NUP210: variants seen among roughly 807,000 people sequenced by gnomAD.
NUP210 encodes nuclear pore membrane glycoprotein 210.
A neutral mutation model predicts 196.0 loss-of-function variants in NUP210; 151 were observed. The ratio of observed to expected loss-of-function variants is 0.77; its 90% CI spans 0.67 to 0.88. NUP210 has a LOEUF of 0.88. NUP210 is among the 40% of genes least tolerant of loss of function. The pLI is 0.00. For synonymous variants in NUP210, 1,070 were observed against 1,052.7 expected, an observed-to-expected ratio of 1.02 and a Z score of -0.32; for missense variants, 2,314 against 2,493.7, an observed-to-expected ratio of 0.93 and a Z score of 1.53.
chr3:13,375,524 C>T lies in NUP210; in HGVS notation c.1411G>A (p.Ala471Thr), dbSNP rs148258057. Reference protein sequence around the residue: ...LTFPWQPKTGAYQYTIRAHGG... With the variant: ...LTFPWQPKTGTYQYTIRAHGG... ...CGTACCCTTATTGTGTACTGATAGGCGCCCGTCTTTGGTTGCCACGGAAAT... is the reference window on the plus strand; with the variant it reads ...CGTACCCTTATTGTGTACTGATAGGTGCCCGTCTTTGGTTGCCACGGAAAT... The change falls in exon 11 of 40, where the codon GCC (alanine) becomes ACC (threonine). Residue 471 changes from alanine to threonine, a missense_variant. By Grantham distance (58) the Ala-to-Thr change is moderately conservative. Transcript: ENST00000254508. The T allele has an allele frequency of 1.3e-5, 21 of 1,613,888 alleles. No individual in the cohort carries two copies. Among genetic ancestry groups the T allele is most frequent in the African/African-American group, 1.2e-4 (9 of 74,894 alleles).
chr3:13,390,917 T>A lies in NUP210; in HGVS notation c.533+294A>T, dbSNP rs538296786. On this transcript the variant is annotated intron_variant, in intron 4 of 39. Transcript: ENST00000254508. ...AGTGCAGCCTGGGGCCACCCACACT[T>A]TCCCTGTGCCCTGAGACAGCCATGC... Among the ~76,000 whole-genome samples, 217 of 152,312 alleles carry A rather than the reference T, an allele frequency of 1.4e-3. 2 individuals are homozygous for A. The highest frequency in any genetic ancestry group is 4.9e-3 in the African/African-American group (204 of 41,572).
At chr3:13,389,064 C>G (rs1013778911) in intron 4 of NUP210, among the ~76,000 whole-genome samples, 2 of 152,234 alleles carry the variant, frequency 1.3e-5, no homozygotes, top group African/African-American at 4.8e-5. Flanking sequence ...TCCCACGCAG[C>G]CTCCCACTTC....
chr3:13,330,336 C>T (rs1252513130), intron 30 of NUP210, 124 bp downstream of exon 30: 4 of 920,002 alleles, frequency 4.3e-6, no homozygotes, highest in Non-Finnish European at 6.7e-6. Context: ...CCCTGAGTTA[C>T]TCTAAATGCC....
At chr3:13,401,353 A>G (rs368130059) in intron 1 of NUP210, among the ~76,000 whole-genome samples, 2 of 151,520 alleles carry the variant, frequency 1.3e-5, no homozygotes, top group Non-Finnish European at 2.9e-5. Context: ...CCCTGGGCCA[A>G]GCCAGCACAA....
intron 14 of NUP210, 76 bp downstream of exon 14, chr3:13,365,870 C>T (rs1424821637): frequency 1.0e-5 from 15 of 1,491,484 alleles, no homozygotes; most frequent in South Asian, 4.6e-5. Context: ...CATGCAAATT[C>T]GTCAGAGCAA....
intron 1 of NUP210, among the ~76,000 whole-genome samples, chr3:13,404,983 G>A (rs1254265405): frequency 2.0e-5 from 3 of 152,188 alleles, no homozygotes; most frequent in African/African-American, 7.2e-5. Context: ...GGTGAGGGCA[G>A]GCAGGAACAG....
chr3:13,368,940 T>C (rs1300227829), intron 13 of NUP210, among the ~76,000 whole-genome samples: 2 of 152,240 alleles, frequency 1.3e-5, no homozygotes, highest in African/African-American at 4.8e-5. Context: ...CCTTTGGATG[T>C]GCACCCAGAT....
At chr3:13,403,674 C>A (rs985012570) in intron 1 of NUP210, among the ~76,000 whole-genome samples, 1 of 152,314 alleles carries the variant, frequency 6.6e-6, no homozygotes, top group African/African-American at 2.4e-5. Context: ...CCTGCCCAGG[C>A]TCTACTTGGG....
rs202083151 is a variant in NUP210 at position 13,366,104 on chromosome 3, G to A, written c.1787-13C>T. 11 of 1,612,194 alleles carry A rather than the reference G, an allele frequency of 6.8e-6. No individual in the cohort carries two copies. The Admixed American group carries it at 1.2e-4, about 17-fold the overall frequency. On this transcript the variant is annotated splice_polypyrimidine_tract_variant and intron_variant, in intron 13 of 39. Coordinates refer to ENST00000254508, the MANE Select transcript of NUP210 (RefSeq NM_024923.4). ...GGCGGCAGCCTCCCTACAGAAAGGA[G>A]AGAACTAGATGGTCACCCTGAAATC...
intron 3 of NUP210, among the ~76,000 whole-genome samples, chr3:13,393,034 A>T (rs1699541809): frequency 6.6e-6 from 1 of 152,242 alleles, no homozygotes; most frequent in African/African-American, 2.4e-5. Flanking sequence ...GCAGACCACT[A>T]GGCAGGCCAC....
intron 1 of NUP210, among the ~76,000 whole-genome samples, chr3:13,409,206 G>A (rs943051430): frequency 6.6e-6 from 1 of 152,184 alleles, no homozygotes; most frequent in African/African-American, 2.4e-5. Context: ...TTTTCTGTAG[G>A]TGCCTGTCTG....
chr3:13,340,434 GC>G lies in NUP210; in HGVS notation c.3229-137del. The G allele has an allele frequency of 1.3e-6, 1 of 771,412 alleles. No individual in the cohort carries two copies. 47.8% of individuals were successfully genotyped at this position (771,412 alleles called of 1,614,324 possible). ...CTTCTCTCTGAGCAGTGACCAGAGG[GC>G]CCAGGGTCCTGGGCCAATGCTGGGG... On this transcript the variant is annotated intron_variant, in intron 23 of 39. Coordinates refer to ENST00000254508, the MANE Select transcript of NUP210 (RefSeq NM_024923.4). This position sits in a 1 kb window ranked among gnomAD's most constrained non-coding sequence, Gnocchi z 4.0.
intron 28 of NUP210, among the ~76,000 whole-genome samples, chr3:13,334,602 A>G (rs1208845517): frequency 6.6e-6 from 1 of 152,142 alleles, no homozygotes. Flanking sequence ...CTTGGGACAT[A>G]TAAGGAACAC....
chr3:13,321,077 G>A (rs987246516), intron 36 of NUP210, among the ~76,000 whole-genome samples: 3 of 152,224 alleles, frequency 2.0e-5, no homozygotes, highest in Admixed American at 6.5e-5. Context: ...AGGAGCAGGC[G>A]GAAATGCCGA....
At position 13,371,035 on chromosome 3, in the gene NUP210, A is replaced by C. The variant is rs71306056; in HGVS notation, c.1786+799T>G. Among the ~76,000 whole-genome samples the C allele has an allele frequency of 3.4e-3, 523 of 152,254 alleles. 4 individuals carry two copies. Among genetic ancestry groups the C allele is most frequent in the Non-Finnish European group, 3.9e-3 (263 of 68,028 alleles). ...CTGGTACAGGCGCCCCTGCTCACCAAATGGTGTCCCTGTTAACCTCCAAAG... is the reference window on the plus strand; with the variant it reads ...CTGGTACAGGCGCCCCTGCTCACCACATGGTGTCCCTGTTAACCTCCAAAG... On this transcript the variant is annotated intron_variant, in intron 13 of 39. Coordinates refer to ENST00000254508, the MANE Select transcript of NUP210 (RefSeq NM_024923.4).
chr3:13,338,140 A>G (rs1199681719), intron 25 of NUP210, among the ~76,000 whole-genome samples: 1 of 152,160 alleles, frequency 6.6e-6, no homozygotes, highest in Non-Finnish European at 1.5e-5. Context: ...GCAGGTCCCA[A>G]CCCAGTCCCC....
At chr3:13,417,137 G>A (rs941997084) in intron 1 of NUP210, among the ~76,000 whole-genome samples, 1 of 152,144 alleles carries the variant, frequency 6.6e-6, no homozygotes, top group Non-Finnish European at 1.5e-5. Flanking sequence ...CAGTCCCCAG[G>A]TCTAATGGCG....
chr3:13,373,719 T>C lies in NUP210; in HGVS notation c.1586A>G (p.Lys529Arg). ...VQNPLHFGEM[K>R]VYVIEPHSME... The stretch of plus-strand genomic sequence containing the variant: ...GGTGTCTTGGCCCTGAGATCTCACC[T>C]TCATCTCACCGAAATGGAGTGGGTT... Residue 529 changes from lysine to arginine, a missense_variant and splice_region_variant, in exon 12 of 40, where the codon AAG (lysine) becomes AGG (arginine). By Grantham distance (26) the Lys-to-Arg change is conservative. Transcript: ENST00000254508. The C allele has an allele frequency of 6.2e-7, 1 of 1,614,062 alleles. No homozygotes were observed. The highest frequency in any genetic ancestry group is 8.5e-7 in the Non-Finnish European group (1 of 1,179,944).
chr3:13,363,990 G>A (rs1038543446), intron 14 of NUP210, among the ~76,000 whole-genome samples: 24 of 152,124 alleles, frequency 1.6e-4, no homozygotes, highest in Non-Finnish European at 1.5e-5. Flanking sequence ...TGCCTGCTGT[G>A]CTCGGGGATT....
Sources: gnomAD v4.1 joint callset for allele counts (sites outside exome capture counted in the v4.1 genomes callset) on GRCh38, gnomAD v4.1.1 for gene constraint, Gnocchi (gnomAD v3.1) non-coding constraint, MANE v1.5 for transcripts, NCBI Gene and HGNC (gene_info 2026-07-23, HGNC 2026-07-21) for gene names.